Variants in VPS13A observed in about 807,000 individuals in gnomAD.
VPS13A encodes vacuolar protein sorting 13 homolog A.
A neutral mutation model predicts 390.9 loss-of-function variants in VPS13A; 264 were observed. The observed-to-expected ratio is 0.68, with a 90% CI of 0.61 to 0.75. The LOEUF (loss-of-function observed/expected upper bound fraction) is 0.75, where lower values mean the gene tolerates loss of function less well. VPS13A is among the 30% of genes least tolerant of loss of function. The pLI is 0.00. For missense variants in VPS13A, 3,409 were observed against 3,733.9 expected (o/e 0.91, Z 2.27); for synonymous variants, 1,231 against 1,227.1 (o/e 1.00, Z -0.07).
chr9:77,192,625 C>A (rs1824750026), intron 1 of VPS13A, among the ~76,000 whole-genome samples: 1 of 152,114 alleles, frequency 6.6e-6, no homozygotes, highest in Non-Finnish European at 1.5e-5. Context: ...ATATGAAATT[C>A]TTGGTTGGAA....
In VPS13A at chr9:77,317,622, A is replaced by T. The variant is rs1459402427; in HGVS notation, c.4880A>T (p.Asp1627Val). The change falls in exon 40 of 72, where the codon GAC (aspartate) becomes GTC (valine). Residue 1627 changes from aspartate to valine, a missense_variant. Asp to Val is a radical substitution (Grantham distance 152). Coordinates refer to ENST00000360280, the MANE Select transcript of VPS13A (RefSeq NM_033305.3). Reference sequence around the variant, plus strand: ...CTCTCATAGGTTTTGCAGCCCTGTGACTTGTTTTATCAAACTACTCAGAAA... The same window carrying T: ...CTCTCATAGGTTTTGCAGCCCTGTGTCTTGTTTTATCAAACTACTCAGAAA... ...GKITTVLQPC[D>V]LFYQTTQKGT... is the part of the protein sequence containing the mutation. 6.2e-7 allele frequency: 1 copy of T among 1,601,532 alleles called. No homozygotes were observed. Among genetic ancestry groups the T allele is most frequent in the South Asian group, 1.1e-5 (1 of 88,796 alleles).
intron 54 of VPS13A, among the ~76,000 whole-genome samples, 199 bp from the exon 55 acceptor site, chr9:77,356,515 C>A (rs1296008912): frequency 6.6e-6 from 1 of 152,122 alleles, no homozygotes; most frequent in African/African-American, 2.4e-5. Flanking sequence ...ACGGCTGTAA[C>A]ACCTAGAATA....
chr9:77,257,559 C>T (rs1479122086), intron 22 of VPS13A, among the ~76,000 whole-genome samples: 1 of 151,954 alleles, frequency 6.6e-6, no homozygotes, highest in Admixed American at 6.6e-5. Context: ...TTGAGACCAG[C>T]CTGGCCAATG....
intron 35 of VPS13A, among the ~76,000 whole-genome samples, chr9:77,311,965 C>T (rs1200058753): frequency 6.6e-6 from 1 of 152,010 alleles, no homozygotes; most frequent in Admixed American, 6.6e-5. Context: ...ACTGAATGAT[C>T]ATGAAAATAA....
At chr9:77,354,688 A>G (rs1173277943) in intron 54 of VPS13A, among the ~76,000 whole-genome samples, 1 of 152,162 alleles carries the variant, frequency 6.6e-6, no homozygotes, top group Non-Finnish European at 1.5e-5. Flanking sequence ...TATCCTAGAT[A>G]ACTATTTTAT....
Position 77,417,257 on chromosome 9 carries a change from T to C in VPS13A, c.*1251T>C, listed in dbSNP as rs1051415999. The C allele has an allele frequency of 6.6e-6, 1 of 152,216 alleles. No individual in the cohort carries two copies. Among genetic ancestry groups the C allele is most frequent in the Non-Finnish European group, 1.5e-5 (1 of 68,032 alleles). The allele number at this position is 152,216 out of a possible 1,614,324, so 9.4% of individuals were successfully genotyped here. A position where few individuals can be genotyped will look rare whatever the true frequency, so the allele number is the denominator to read the frequency against. On this transcript the variant is annotated 3_prime_UTR_variant, in exon 72 of 72. Coordinates refer to ENST00000360280, the MANE Select transcript of VPS13A (RefSeq NM_033305.3). Reference sequence around the variant, plus strand: ...TATGTGCCACCAAGTTACTATTAACTGTTTTTGGAATTGAAGACTCTGTAT... The same window carrying C: ...TATGTGCCACCAAGTTACTATTAACCGTTTTTGGAATTGAAGACTCTGTAT...
intron 23 of VPS13A, among the ~76,000 whole-genome samples, chr9:77,260,993 G>C (rs777733439): frequency 3.3e-5 from 5 of 151,914 alleles, no homozygotes; most frequent in Non-Finnish European, 7.4e-5. Context: ...CTGTCTCTTG[G>C]GTTCAAGCAG....
chr9:77,399,853 C>T (rs1834293340), intron 68 of VPS13A, among the ~76,000 whole-genome samples: 1 of 152,172 alleles, frequency 6.6e-6, no homozygotes, highest in African/African-American at 2.4e-5. Flanking sequence ...TGCACAGATA[C>T]ATGTACGTAC....
rs1037377603 is a variant in VPS13A, at chr9:77,417,305, C to T, written c.*1299C>T. 2 of 152,158 alleles carry T rather than the reference C, an allele frequency of 1.3e-5. No individual in the cohort carries two copies. Among genetic ancestry groups the T allele is most frequent in the Non-Finnish European group, 2.9e-5 (2 of 68,028 alleles). The allele number at this position is 152,158 out of a possible 1,614,324, so 9.4% of individuals were successfully genotyped here. ...TATAGTCAATAGTTGTGAAATTCTTCTCAGGCTCCTTAAACCCTCGCTTTG... is the reference window on the plus strand; with the variant it reads ...TATAGTCAATAGTTGTGAAATTCTTTTCAGGCTCCTTAAACCCTCGCTTTG... On this transcript the variant is annotated 3_prime_UTR_variant, in exon 72 of 72. Transcript: ENST00000360280.
intron 1 of VPS13A, among the ~76,000 whole-genome samples, chr9:77,187,290 T>G (rs1824397433): frequency 6.6e-6 from 1 of 152,212 alleles, no homozygotes; most frequent in Admixed American, 6.5e-5. Flanking sequence ...ATTATCAATT[T>G]TTTTGAGGAA....
At chr9:77,381,902 G>A (rs1833458236) in intron 67 of VPS13A, 74 bp from the exon 68 acceptor site, 2 of 922,196 alleles carry the variant, frequency 2.2e-6, no homozygotes, top group Admixed American at 2.3e-5. Context: ...ATTGTTTTTA[G>A]TAATTGCATT....
chr9:77,336,139 T>C (rs1830526173), intron 46 of VPS13A, among the ~76,000 whole-genome samples: 1 of 152,086 alleles, frequency 6.6e-6, no homozygotes, highest in African/African-American at 2.4e-5. Flanking sequence ...CACTCATAAG[T>C]GGGAGTTGAA....
At chr9:77,311,978 T>C (rs1346293567) in intron 35 of VPS13A, among the ~76,000 whole-genome samples, 1 of 152,084 alleles carries the variant, frequency 6.6e-6, no homozygotes, top group African/African-American at 2.4e-5. Flanking sequence ...GAAAATAAAA[T>C]ATATCAGAAT....
intron 68 of VPS13A, among the ~76,000 whole-genome samples, chr9:77,388,276 A>G (rs1194208781): frequency 3.9e-5 from 6 of 152,210 alleles, no homozygotes; most frequent in African/African-American, 1.4e-4. Context: ...TTGTGAGTTC[A>G]TAAAGTACAG....
chr9:77,239,995 AT>A lies in VPS13A; in HGVS notation c.1900+1617del, dbSNP rs1327772842. Among the ~76,000 whole-genome samples, 5 of 117,448 alleles carry A rather than the reference AT, an allele frequency of 4.3e-5. No individual in the cohort carries two copies. The East Asian group carries it at 1.1e-3, about 25-fold the overall frequency. 77.1% of individuals were successfully genotyped at this position (117,448 alleles called of 152,430 possible). ...ACTTTATATACCATCCCCATATACTATTTTTTTTACTTAAAAATACTTTATT... is the reference window on the plus strand; with the variant it reads ...ACTTTATATACCATCCCCATATACTATTTTTTTACTTAAAAATACTTTATT... On this transcript the variant is annotated intron_variant, in intron 19 of 71. Transcript: ENST00000360280.
chr9:77,417,852 T>G lies in VPS13A; in HGVS notation c.*1846T>G, dbSNP rs1400023651. On this transcript the variant is annotated 3_prime_UTR_variant, in exon 72 of 72. Transcript: ENST00000360280. ...TGACTAATCCACATGGAAAGGATAG[T>G]GCCTGTCTTTCCTGTTCCCTTGCCA... 1 of 152,138 alleles carries G rather than the reference T, an allele frequency of 6.6e-6. No homozygotes were observed. Among genetic ancestry groups the G allele is most frequent in the Non-Finnish European group, 1.5e-5 (1 of 68,040 alleles). 9.4% of individuals were successfully genotyped at this position (152,138 alleles called of 1,614,324 possible).
rs184015685 is a variant in VPS13A at position 77,229,340 on chromosome 9, C to T, written c.1595+1076C>T. ...AAGCAGTTCGCCAGCCTCAGCCTCC[C>T]GAAGTGCTGGAATTACAGGTGTGAG... On this transcript the variant is annotated intron_variant, in intron 17 of 71. Transcript: ENST00000360280. Among the ~76,000 whole-genome samples the T allele has an allele frequency of 2.2e-3, 342 of 152,236 alleles. 1 individual carries two copies. Among genetic ancestry groups the T allele is most frequent in the African/African-American group, 7.6e-3 (317 of 41,548 alleles).
intron 67 of VPS13A, among the ~76,000 whole-genome samples, chr9:77,379,940 T>C (rs968624035): frequency 4.6e-5 from 7 of 152,202 alleles, no homozygotes; most frequent in Non-Finnish European, 8.8e-5. Flanking sequence ...TTTTTGAAAG[T>C]AGGTTGCTGA....
intron 59 of VPS13A, among the ~76,000 whole-genome samples, chr9:77,364,704 T>C (rs548752458): frequency 6.6e-6 from 1 of 152,188 alleles, no homozygotes; most frequent in Non-Finnish European, 1.5e-5. Context: ...TCGCTTTTCT[T>C]ACCAAATTCT....
Sources: gnomAD v4.1 joint callset for allele counts (sites outside exome capture counted in the v4.1 genomes callset) on GRCh38, gnomAD v4.1.1 for gene constraint, MANE v1.5 for transcripts, NCBI Gene and HGNC (gene_info 2026-07-23, HGNC 2026-07-21) for gene names.